SEMA6B: variants seen among roughly 807,000 people sequenced by gnomAD.
The protein encoded by SEMA6B is semaphorin 6B.
A neutral mutation model predicts 78.6 loss-of-function variants in SEMA6B; 47 were observed. The ratio of observed to expected loss-of-function variants is 0.60; its 90% confidence interval spans 0.47 to 0.76. The LOEUF (loss-of-function observed/expected upper bound fraction) is 0.76. Ranked by LOEUF, SEMA6B falls within the 30% of genes least tolerant of loss-of-function variation. The pLI is 0.00. For synonymous variants in SEMA6B, 632 were observed against 592.2 expected (o/e 1.07, Z -0.98); for missense variants, 1,213 against 1,269.9 (o/e 0.96, Z 0.68).
At chr19:4,548,771 A>G (rs1977240650) in intron 12 of SEMA6B, among the ~76,000 whole-genome samples, 2 of 151,876 alleles carry the variant, frequency 1.3e-5, no homozygotes, top group Admixed American at 6.6e-5. Flanking sequence ...GGGTTCAAGC[A>G]ATTCTCTTGC....
In SEMA6B at chr19:4,556,094, G is replaced by A; in HGVS notation, c.370-5C>T. ...TACGAAGTTTCGACACTCGCCCTGA[G>A]GTGGGGACAGGAGGAAGCGGGGAGC... On this transcript the variant is annotated splice_polypyrimidine_tract_variant and splice_region_variant and intron_variant, in intron 5 of 16. Transcript: ENST00000586582. The A allele has an allele frequency of 1.9e-6, 3 of 1,608,026 alleles. No homozygotes were observed. Among genetic ancestry groups the A allele is most frequent in the East Asian group, 4.5e-5 (2 of 44,830 alleles).
chr19:4,553,721 T>C (rs1186370368), intron 9 of SEMA6B, among the ~76,000 whole-genome samples: 4 of 64,724 alleles, frequency 6.2e-5, no homozygotes, highest in Non-Finnish European at 1.1e-4. Context: ...GATGGATGGA[T>C]GGATGGATGG....
Position 4,543,115 on chromosome 19 carries a change from A to G in SEMA6B, c.*486T>C, listed in dbSNP as rs1977062296. On this transcript the variant is annotated 3_prime_UTR_variant, in exon 17 of 17. Coordinates refer to ENST00000586582, the MANE Select transcript of SEMA6B (RefSeq NM_032108.4). ...CGCCCACCTCCCCGGCCCCTTGCAC[A>G]CGAACACGGCACGCACACGCACGCA... 1.6e-6 allele frequency: 1 copy of G among 623,778 alleles called. No homozygotes were observed. Among genetic ancestry groups the G allele is most frequent in the African/African-American group, 1.8e-5 (1 of 54,384 alleles). The allele number at this position is 623,778 out of a possible 1,614,324, so 38.6% of individuals were successfully genotyped here. A position where few individuals can be genotyped will look rare whatever the true frequency, so the allele number is the denominator to read the frequency against.
At position 4,544,243 on chromosome 19, in the gene SEMA6B, A is replaced by C; in HGVS notation, c.2025T>G (p.Val675=). 7.8e-7 allele frequency: 1 copy of C among 1,275,786 alleles called. No individual in the cohort carries two copies. Among genetic ancestry groups the C allele is most frequent in the Non-Finnish European group, 9.9e-7 (1 of 1,014,622 alleles). 79.0% of individuals were successfully genotyped at this position (1,275,786 alleles called of 1,614,324 possible). A position where few individuals can be genotyped will look rare whatever the true frequency, so the allele number is the denominator to read the frequency against. Reference sequence around the variant, plus strand: ...GGGGCGCCAGCAGGGCCTCCGGGGGAACCCCGGCGCCACCGCCACCGCCTC... The same window carrying C: ...GGGGCGCCAGCAGGGCCTCCGGGGGCACCCCGGCGCCACCGCCACCGCCTC... ...RGGGGGGGAG[V]PPEALLAPLM... The change falls in exon 17 of 17, where the codon GTT becomes GTG. Residue 675 remains valine, a synonymous_variant. Transcript: ENST00000586582. The surrounding 1 kb of genome is among the most constrained non-coding windows in gnomAD (Gnocchi z 5.1).
chr19:4,558,046 C>T lies in SEMA6B; in HGVS notation c.225G>A (p.Arg75=). The T allele has an allele frequency of 2.0e-6, 3 of 1,502,710 alleles. No individual in the cohort carries two copies. Among genetic ancestry groups the T allele is most frequent in the Non-Finnish European group, 2.7e-6 (3 of 1,115,100 alleles). 93.1% of individuals were successfully genotyped at this position (1,502,710 alleles called of 1,614,324 possible). The change falls in exon 3 of 17, where the codon AGG becomes AGA. Residue 75 remains arginine (R), a synonymous_variant. Coordinates refer to ENST00000586582, the MANE Select transcript of SEMA6B (RefSeq NM_032108.4). The surrounding 1 kb of genome is among the most constrained non-coding windows in gnomAD (Gnocchi z 5.1). ...AATACCTGTCCCCAATGAACAGCGT[C>T]CTGTTGACCCGCAGGACTCGCTGGA... The part of the protein sequence containing the change: ...LNIQRVLRVN[R]TLFIGDRDNL...
Position 4,555,211 on chromosome 19 carries a change from TC to T in SEMA6B, c.563-117del. 2 of 1,163,858 alleles carry T rather than the reference TC, an allele frequency of 1.7e-6. No individual in the cohort carries two copies. Among genetic ancestry groups the T allele is most frequent in the South Asian group, 1.4e-5 (1 of 69,762 alleles). The allele number at this position is 1,163,858 out of a possible 1,614,324, so 72.1% of individuals were successfully genotyped here. On this transcript the variant is annotated intron_variant, in intron 7 of 16. Coordinates refer to ENST00000586582, the MANE Select transcript of SEMA6B (RefSeq NM_032108.4). The surrounding 1 kb of genome is among the most constrained non-coding windows in gnomAD (Gnocchi z 6.1). ...TCCTGAGCCTAGGGGAGCCCCTGTC[TC>T]CAGGCTGAGCCCTGATCCCATCCAA... is the stretch of plus-strand genomic sequence containing the variant.
intron 12 of SEMA6B, 30 bp from the exon 13 acceptor site, chr19:4,548,475 T>C: frequency 6.3e-7 from 1 of 1,593,196 alleles, no homozygotes; most frequent in South Asian, 1.1e-5. Context: ...AGGGTCAGGC[T>C]GGCCCCATAT....
rs769431129 is a variant in SEMA6B at position 4,552,583 on chromosome 19, G to A, written c.828C>T (p.Arg276=). ...AGGACGTCCACTGCTTCTCCAGCAC[G>A]CGGGGGGAGCCTCCCACGTCGTTCT... The part of the protein sequence containing the change: ...VCKNDVGGSP[R]VLEKQWTSFL... Residue 276 remains arginine, a synonymous_variant, in exon 10 of 17, where the codon CGC becomes CGT. Coordinates refer to ENST00000586582, the MANE Select transcript of SEMA6B (RefSeq NM_032108.4). The surrounding 1 kb of genome is among the most constrained non-coding windows in gnomAD (Gnocchi z 7.4). The A allele has an allele frequency of 3.1e-6, 5 of 1,612,638 alleles. No individual in the cohort carries two copies. Among genetic ancestry groups the A allele is most frequent in the Admixed American group, 1.7e-5 (1 of 59,998 alleles).
In SEMA6B at chr19:4,542,733, G is replaced by C; in HGVS notation, c.*868C>G. 1 of 694,102 alleles carries C rather than the reference G, an allele frequency of 1.4e-6. No individual in the cohort carries two copies. The highest frequency in any genetic ancestry group is 2.7e-5 in the East Asian group (1 of 37,076). 43.0% of individuals were successfully genotyped at this position (694,102 alleles called of 1,614,324 possible). On this transcript the variant is annotated 3_prime_UTR_variant, in exon 17 of 17. Transcript: ENST00000586582. The stretch of plus-strand genomic sequence containing the variant: ...GAGGTCACAAGGGGACGGGTGGCAT[G>C]GGACTCTCTCACCACCCTGGGGCCG...
chr19:4,544,993 A>G lies in SEMA6B; in HGVS notation c.1739-464T>C, dbSNP rs1351058299. On this transcript the variant is annotated intron_variant, in intron 16 of 16. Transcript: ENST00000586582. The surrounding 1 kb of genome is among the most constrained non-coding windows in gnomAD (Gnocchi z 5.1). ...GTTTTGAGACAGTCCCCCAGGCTAG[A>G]GTGCAGTGGTAAAGCTCACTGCAAC... is the stretch of plus-strand genomic sequence containing the variant. Among the ~76,000 whole-genome samples, 1 of 151,952 alleles carries G rather than the reference A, an allele frequency of 6.6e-6. No homozygotes were observed. The highest frequency in any genetic ancestry group is 6.6e-5 in the Admixed American group (1 of 15,240).
At position 4,544,520 on chromosome 19, in the gene SEMA6B, C is replaced by G; in HGVS notation, c.1748G>C (p.Arg583Pro). The G allele has an allele frequency of 6.5e-7, 1 of 1,532,432 alleles. No homozygotes were observed. The highest frequency in any genetic ancestry group is 8.8e-7 in the Non-Finnish European group (1 of 1,136,888). 94.9% of individuals were successfully genotyped at this position (1,532,432 alleles called of 1,614,324 possible). A position where few individuals can be genotyped will look rare whatever the true frequency, so the allele number is the denominator to read the frequency against. ...SGLGDCTGLLRASLSEDRAGL... is the reference protein window; with the variant it reads ...SGLGDCTGLLPASLSEDRAGL... ...CGCGCGGTCCTCGGAGAGGCTGGCC[C>G]GCAGGAGTCCTGGCCGGGGAGCACA... Residue 583 changes from arginine (R) to proline (P), a missense_variant, in exon 17 of 17, where the codon CGG becomes CCG. Physicochemically the swap from Arg to Pro is moderately radical, Grantham distance 103 (BLOSUM62 -2). Coordinates refer to ENST00000586582, the MANE Select transcript of SEMA6B (RefSeq NM_032108.4). The surrounding 1 kb of genome is among the most constrained non-coding windows in gnomAD (Gnocchi z 5.1).
Position 4,544,413 on chromosome 19 carries a change from C to G in SEMA6B, c.1855G>C (p.Gly619Arg), listed in dbSNP as rs1327870114. ...VGAVVSGFSV[G>R]WFVGLRERRE... ...CGCTCACGGAGGCCCACGAACCAGC[C>G]CACGCTGAAGCCGGACACCACGGCT... Residue 619 changes from glycine (G) to arginine (R), a missense_variant, in exon 17 of 17, where the codon GGC becomes CGC. Transcript: ENST00000586582. This position sits in a 1 kb window ranked among gnomAD's most constrained non-coding sequence, Gnocchi z 5.1. The G allele has an allele frequency of 9.4e-6, 15 of 1,604,230 alleles. No homozygotes were observed. The highest frequency in any genetic ancestry group is 1.2e-5 in the Non-Finnish European group (14 of 1,176,504).
chr19:4,557,319 G>A (rs1199638405), intron 3 of SEMA6B, 96 bp from the exon 4 acceptor site: 1 of 807,712 alleles, frequency 1.2e-6, no homozygotes, highest in Non-Finnish European at 2.0e-6. Context: ...ACGGGGGCAT[G>A]CAGGGCCATG....
intron 1 of SEMA6B, among the ~76,000 whole-genome samples, chr19:4,559,049 G>C (rs1299111152): frequency 6.6e-6 from 1 of 152,026 alleles, no homozygotes; most frequent in Non-Finnish European, 1.5e-5. Flanking sequence ...ACAAAAATTA[G>C]CCAGGTATGG....
At chr19:4,548,802 G>A (rs528965176) in intron 12 of SEMA6B, among the ~76,000 whole-genome samples, 1 of 152,226 alleles carries the variant, frequency 6.6e-6, no homozygotes, top group African/African-American at 2.4e-5. Flanking sequence ...TGAGTAGCAG[G>A]GACTACAGGC....
At chr19:4,557,346 G>A (rs1977501036) in intron 3 of SEMA6B, 123 bp from the exon 4 acceptor site, 2 of 685,624 alleles carry the variant, frequency 2.9e-6, no homozygotes, top group South Asian at 1.9e-5. Context: ...CCTCTGACAC[G>A]AGCAACTCTA....
At chr19:4,549,047 A>G (rs1977247574) in intron 12 of SEMA6B, among the ~76,000 whole-genome samples, 1 of 151,942 alleles carries the variant, frequency 6.6e-6, no homozygotes, top group Non-Finnish European at 1.5e-5. Flanking sequence ...GCTGGTTTCA[A>G]ACTCCTGACC....
chr19:4,555,902 G>A lies in SEMA6B; in HGVS notation c.471+86C>T. The A allele has an allele frequency of 9.4e-7, 1 of 1,068,462 alleles. No individual in the cohort carries two copies. 66.2% of individuals were successfully genotyped at this position (1,068,462 alleles called of 1,614,324 possible). On this transcript the variant is annotated intron_variant, in intron 6 of 16. Transcript: ENST00000586582. The surrounding 1 kb of genome is among the most constrained non-coding windows in gnomAD (Gnocchi z 6.1). ...AAGGCTTCCTGGAGGAGGTGACACG[G>A]CCTGGGGAAAAGCCATGGCCAGCGG...
At chr19:4,548,749 C>T (rs747270440) in intron 12 of SEMA6B, among the ~76,000 whole-genome samples, 1 of 152,220 alleles carries the variant, frequency 6.6e-6, no homozygotes, top group Non-Finnish European at 1.5e-5. Flanking sequence ...CTCATTGCAA[C>T]CTCCGCCTCC....
Sources: allele counts gnomAD v4.1 joint callset (sites outside exome capture counted in the v4.1 genomes callset), GRCh38; gene constraint gnomAD v4.1.1; non-coding constraint Gnocchi (gnomAD v3.1); transcripts MANE v1.5; gene names NCBI Gene and HGNC (gene_info 2026-07-23, HGNC 2026-07-21).